The following WASF2 variants were observed in gnomAD, a reference collection of about 807,000 sequenced individuals.
WASF2 encodes the protein actin-binding protein WASF2.
WASF2 carries 14 observed loss-of-function variants against 45.0 expected under a neutral mutation model. The ratio of observed to expected loss-of-function variants is 0.31; its 90% confidence interval spans 0.21 to 0.49. The LOEUF is 0.49. WASF2 is among the 20% of genes least tolerant of loss of function. The pLI is 0.99. For missense variants in WASF2, 439 were observed against 636.1 expected, an observed-to-expected ratio of 0.69 and a Z score of 3.33; for synonymous variants, 200 against 236.3, an observed-to-expected ratio of 0.85 and a Z score of 1.41.
chr1:27,409,596 G>C, intron 8 of WASF2, 96 bp downstream of exon 8: 2 of 1,350,586 alleles, frequency 1.5e-6, no homozygotes, highest in Admixed American at 5.8e-5. Context: ...CGTTTCCTGG[G>C]AAGGGCACAG....
At position 27,449,218 on chromosome 1, in the gene WASF2, T is replaced by C. The variant is rs146676473; in HGVS notation, c.-43-20285A>G. On this transcript the variant is annotated intron_variant, in intron 1 of 8. Coordinates refer to ENST00000618852, the MANE Select transcript of WASF2 (RefSeq NM_006990.5). ...GCGGTTTTTTCACTTGCTCTCTTAC[T>C]AGACTGTGAGTTCTCTGAGGCTGCT... Among the ~76,000 whole-genome samples, 441 of 152,350 alleles carry C rather than the reference T, an allele frequency of 2.9e-3. 3 individuals carry two copies. Among genetic ancestry groups the C allele is most frequent in the Non-Finnish European group, 5.0e-3 (339 of 68,036 alleles).
At chr1:27,449,708 T>C (rs1405020163) in intron 1 of WASF2, among the ~76,000 whole-genome samples, 2 of 152,174 alleles carry the variant, frequency 1.3e-5, no homozygotes, top group African/African-American at 4.8e-5. Context: ...TCCAGTCTTA[T>C]AGCACTGTTT....
rs1172063344 is a variant in WASF2, at chr1:27,415,075, T to C, written c.538-112A>G. ...TAAGAGATAATCTGCCTAGACAACA[T>C]ACAATAACTACAGAACTTACAGAAT... is the stretch of plus-strand genomic sequence containing the variant. On this transcript the variant is annotated intron_variant, in intron 5 of 8. Coordinates refer to ENST00000618852, the MANE Select transcript of WASF2 (RefSeq NM_006990.5). 6 of 1,325,898 alleles carry C rather than the reference T, an allele frequency of 4.5e-6. No individual in the cohort carries two copies. The East Asian group carries it at 7.0e-5, about 16-fold the overall frequency. 82.1% of individuals were successfully genotyped at this position (1,325,898 alleles called of 1,614,324 possible).
Position 27,409,831 on chromosome 1 carries a change from CGGAGGAGGAGGA to C in WASF2, c.1188_1199del (p.Pro397_Pro400del). 1 of 1,551,414 alleles carries C rather than the reference CGGAGGAGGAGGA, an allele frequency of 6.4e-7. No homozygotes were observed. Among genetic ancestry groups the C allele is most frequent in the Non-Finnish European group, 8.7e-7 (1 of 1,146,560 alleles). ...CAGTGAAAGGGGGAGGAGGGGGCCCCGGAGGAGGAGGAGGAGGGGGAGGAGGAGGTGCTCCTC... is the reference window on the plus strand; with the variant it reads ...CAGTGAAAGGGGGAGGAGGGGGCCCCGGAGGGGGAGGAGGAGGTGCTCCTC... On this transcript the variant is annotated inframe_deletion, in exon 8 of 9. Transcript: ENST00000618852.
At chr1:27,453,591 C>CAAA (rs57897316) in intron 1 of WASF2, among the ~76,000 whole-genome samples, 1 of 103,114 alleles carries the variant, frequency 9.7e-6, no homozygotes, top group African/African-American at 3.6e-5. Context: ...GACTCTGTCT[C>CAAA]AAAAAAAAAA....
In WASF2 at chr1:27,477,920, A is replaced by T. The variant is rs1226893234; in HGVS notation, c.-44+12066T>A. Among the ~76,000 whole-genome samples, 788 of 90,862 alleles carry T rather than the reference A, an allele frequency of 8.7e-3. 130 individuals carry two copies. The highest frequency in any genetic ancestry group is 0.052 in the African/African-American group (679 of 13,160). The allele number at this position is 90,862 out of a possible 152,430, so 59.6% of individuals were successfully genotyped here. On this transcript the variant is annotated intron_variant, in intron 1 of 8. Coordinates refer to ENST00000618852, the MANE Select transcript of WASF2 (RefSeq NM_006990.5). The stretch of plus-strand genomic sequence containing the variant: ...TCTCAAAAAAAAAAAATAAATAAAT[A>T]AAAAAAAAAATAAAAATAAATAAAT...
chr1:27,436,935 G>C (rs1454223449), intron 1 of WASF2, among the ~76,000 whole-genome samples: 1 of 152,192 alleles, frequency 6.6e-6, no homozygotes, highest in Non-Finnish European at 1.5e-5. Context: ...CACCAATTTT[G>C]TGCCTACATC....
chr1:27,428,993 G>A (rs1316353928), intron 1 of WASF2, 60 bp from the exon 2 acceptor site: 4 of 1,015,748 alleles, frequency 3.9e-6, no homozygotes, highest in East Asian at 3.3e-5. Flanking sequence ...CACTAGGGCT[G>A]TGTGAATCTT....
intron 1 of WASF2, chr1:27,459,360 CTA>C (rs1350266574): frequency 2.0e-5 from 3 of 152,004 alleles, no homozygotes; most frequent in African/African-American, 7.2e-5. Flanking sequence ...CAAGGTCTGG[CTA>C]TGTTATCCAG....
intron 5 of WASF2, 144 bp downstream of exon 5, chr1:27,415,841 T>C: frequency 1.5e-6 from 1 of 677,308 alleles, no homozygotes; most frequent in Non-Finnish European, 2.6e-6. Flanking sequence ...GTGCTTGGTG[T>C]GGACACATTT....
At chr1:27,413,393 A>C (rs1379502427) in intron 6 of WASF2, among the ~76,000 whole-genome samples, 2 of 152,200 alleles carry the variant, frequency 1.3e-5, no homozygotes, top group East Asian at 3.8e-4. Context: ...ACTTCAAACA[A>C]GCACAAATAC....
chr1:27,440,104 T>C (rs903806571), intron 1 of WASF2, among the ~76,000 whole-genome samples: 1 of 152,174 alleles, frequency 6.6e-6, no homozygotes, highest in African/African-American at 2.4e-5. Flanking sequence ...GGAGAGCTAA[T>C]ATGATAAACA....
At chr1:27,478,134 C>A (rs1368893057) in intron 1 of WASF2, among the ~76,000 whole-genome samples, 1 of 150,162 alleles carries the variant, frequency 6.7e-6, no homozygotes. Context: ...TGCTTGAACC[C>A]GGGAGGCAGA....
intron 1 of WASF2, among the ~76,000 whole-genome samples, chr1:27,485,832 C>T (rs1192069737): frequency 2.0e-5 from 3 of 152,204 alleles, no homozygotes; most frequent in Non-Finnish European, 4.4e-5. Flanking sequence ...CTGCTTCAGC[C>T]TCCTGAGTAG....
intron 1 of WASF2, among the ~76,000 whole-genome samples, chr1:27,484,891 T>C (rs960381178): frequency 8.6e-5 from 13 of 152,042 alleles, no homozygotes; most frequent in Non-Finnish European, 2.9e-5. Context: ...GGCTAATGCC[T>C]GTAATCCCAG....
intron 5 of WASF2, among the ~76,000 whole-genome samples, chr1:27,415,266 G>A (rs2016812007): frequency 6.6e-6 from 1 of 152,188 alleles, no homozygotes; most frequent in South Asian, 2.1e-4. Flanking sequence ...TTAGTAAACA[G>A]CTATTTATTA....
chr1:27,474,027 T>C (rs1010964333), intron 1 of WASF2, among the ~76,000 whole-genome samples: 2 of 152,136 alleles, frequency 1.3e-5, no homozygotes, highest in African/African-American at 4.8e-5. Context: ...ACCAAAGTAC[T>C]GGAGAAAGCC....
chr1:27,435,504 C>G (rs917877558), intron 1 of WASF2, among the ~76,000 whole-genome samples: 1 of 151,960 alleles, frequency 6.6e-6, no homozygotes, highest in African/African-American at 2.4e-5. Flanking sequence ...GGGAGGATCA[C>G]TTGAATCCAG....
chr1:27,468,717 C>T (rs908900104), intron 1 of WASF2, among the ~76,000 whole-genome samples: 1 of 150,718 alleles, frequency 6.6e-6, no homozygotes, highest in Non-Finnish European at 1.5e-5. Context: ...CGGTGGTTCA[C>T]GCCTGTAATC....
Sources: gnomAD v4.1 joint callset for allele counts (sites outside exome capture counted in the v4.1 genomes callset) on GRCh38, gnomAD v4.1.1 for gene constraint, MANE v1.5 for transcripts, NCBI Gene and HGNC (gene_info 2026-07-23, HGNC 2026-07-21) for gene names.